THSD7B: variants seen among roughly 807,000 people sequenced by gnomAD.
THSD7B encodes the protein thrombospondin type 1 domain containing 7B.
In THSD7B, 138 loss-of-function variants were observed where a neutral mutation model predicts 213.6. The observed-to-expected ratio is 0.65, with a 90% CI of 0.56 to 0.74. THSD7B has a LOEUF of 0.74. Ranked by LOEUF, THSD7B falls within the 30% of genes least tolerant of loss-of-function variation. The pLI is 0.00. For missense variants in THSD7B, 1,931 were observed against 1,991.5 expected, an observed-to-expected ratio of 0.97 and a Z score of 0.58; for synonymous variants, 742 against 687.0, an observed-to-expected ratio of 1.08 and a Z score of -1.25.
intron 2 of THSD7B, among the ~76,000 whole-genome samples, chr2:136,896,567 T>A (rs1305040235): frequency 6.6e-6 from 1 of 152,108 alleles, no homozygotes; most frequent in Non-Finnish European, 1.5e-5. Context: ...AGTTTTCCAA[T>A]TTAAAAAAAT....
intron 15 of THSD7B, among the ~76,000 whole-genome samples, chr2:137,522,527 A>G (rs1234593365): frequency 1.3e-5 from 2 of 148,426 alleles, no homozygotes; most frequent in Admixed American, 1.3e-4. Flanking sequence ...ATTCAGAGTC[A>G]CTTTTTTTTT....
chr2:136,795,725 C>G (rs1230180293), intron 1 of THSD7B, among the ~76,000 whole-genome samples: 1 of 151,924 alleles, frequency 6.6e-6, no homozygotes, highest in African/African-American at 2.4e-5. Flanking sequence ...TTTACTTACT[C>G]TCACTCCAAC....
chr2:137,235,742 T>C (rs1230467777), intron 9 of THSD7B, among the ~76,000 whole-genome samples: 1 of 152,160 alleles, frequency 6.6e-6, no homozygotes, highest in Admixed American at 6.5e-5. Flanking sequence ...GAGACTAAAA[T>C]ATTATTATTA....
intron 12 of THSD7B, among the ~76,000 whole-genome samples, chr2:137,390,627 G>A (rs935732423): frequency 6.6e-6 from 1 of 152,086 alleles, no homozygotes; most frequent in Non-Finnish European, 1.5e-5. Flanking sequence ...TAGAGGAAAT[G>A]TTTTTAACTT....
At chr2:137,190,261 T>C (rs1468595675) in intron 7 of THSD7B, among the ~76,000 whole-genome samples, 1 of 152,232 alleles carries the variant, frequency 6.6e-6, no homozygotes, top group East Asian at 1.9e-4. Flanking sequence ...ACAATGTATA[T>C]GCCATGTGCT....
intron 2 of THSD7B, among the ~76,000 whole-genome samples, chr2:137,014,026 A>G (rs889937979): frequency 2.0e-5 from 3 of 152,160 alleles, no homozygotes; most frequent in African/African-American, 7.2e-5. Flanking sequence ...TTCTGCTTCC[A>G]TTCCCTTGGG....
rs1007907492 is a variant in THSD7B, at chr2:137,536,491, A to G, written c.3139-26730A>G. Among the ~76,000 whole-genome samples the G allele has an allele frequency of 4.0e-5, 6 of 151,834 alleles. No homozygotes were observed. The East Asian group carries it at 5.9e-4, about 15-fold the overall frequency. ...CCATTAAAGTTGACATAATAGCAGT[A>G]TTTTAATGTAGAAATAGCCAGAAGC... On this transcript the variant is annotated intron_variant, in intron 15 of 27. Coordinates refer to ENST00000409968, the MANE Select transcript of THSD7B (RefSeq NM_001316349.2).
At chr2:137,378,505 G>A (rs553650738) in intron 12 of THSD7B, among the ~76,000 whole-genome samples, 1 of 152,140 alleles carries the variant, frequency 6.6e-6, no homozygotes, top group Non-Finnish European at 1.5e-5. Flanking sequence ...ATTTTGGGTG[G>A]TTTCATCATG....
chr2:137,358,388 T>C (rs1159864602), intron 12 of THSD7B, among the ~76,000 whole-genome samples: 2 of 152,342 alleles, frequency 1.3e-5, no homozygotes, highest in East Asian at 3.9e-4. Context: ...GTCATGATTA[T>C]GGACTGATTT....
At chr2:137,489,914 G>T (rs1688567381) in intron 15 of THSD7B, among the ~76,000 whole-genome samples, 1 of 151,788 alleles carries the variant, frequency 6.6e-6, no homozygotes, top group African/African-American at 2.4e-5. Context: ...ACAATGTTCT[G>T]TTTTTTTTGT....
At chr2:137,236,465 C>T (rs2105059538) in intron 9 of THSD7B, among the ~76,000 whole-genome samples, 1 of 152,154 alleles carries the variant, frequency 6.6e-6, no homozygotes, top group East Asian at 1.9e-4. Context: ...TTGTTGGGAT[C>T]TTCCTGAAGT....
intron 1 of THSD7B, among the ~76,000 whole-genome samples, chr2:136,838,815 A>G (rs934957061): frequency 2.4e-4 from 36 of 152,138 alleles, no homozygotes; most frequent in African/African-American, 7.7e-4. Flanking sequence ...CTGGCACTCA[A>G]TGATAAAATA....
chr2:137,401,104 A>T (rs1686345630), intron 12 of THSD7B, among the ~76,000 whole-genome samples: 2 of 152,198 alleles, frequency 1.3e-5, no homozygotes, highest in South Asian at 4.1e-4. Flanking sequence ...TCTACTTCTG[A>T]TTTAATCCTC....
At chr2:136,959,584 T>A (rs1304546098) in intron 2 of THSD7B, among the ~76,000 whole-genome samples, 1 of 152,208 alleles carries the variant, frequency 6.6e-6, no homozygotes, top group Non-Finnish European at 1.5e-5. Context: ...AAATAAATAA[T>A]CTTGAATTTC....
In THSD7B at chr2:137,412,620, A is replaced by G. The variant is rs915295424; in HGVS notation, c.2959+748A>G. On this transcript the variant is annotated intron_variant, in intron 14 of 27. Transcript: ENST00000409968. ...CTCAAAAAAAAAAAAACAAAAAAAA[A>G]CAAAAAACAGTTTTACTATATAAAG... 4.5e-5 allele frequency among the ~76,000 whole-genome samples: 6 copies of G among 132,986 alleles called. 1 individual carries two copies. The highest frequency in any genetic ancestry group is 1.6e-4 in the African/African-American group (6 of 37,376). 87.2% of individuals were successfully genotyped at this position (132,986 alleles called of 152,430 possible). A position where few individuals can be genotyped will look rare whatever the true frequency, so the allele number is the denominator to read the frequency against.
At chr2:137,617,328 T>C (rs1573745793) in intron 18 of THSD7B, among the ~76,000 whole-genome samples, 1 of 152,218 alleles carries the variant, frequency 6.6e-6, no homozygotes, top group African/African-American at 2.4e-5. Context: ...AAAATTTCTT[T>C]AAAGAGTTTT....
At chr2:136,875,432 G>T (rs192605173) in intron 1 of THSD7B, among the ~76,000 whole-genome samples, 51 of 152,166 alleles carry the variant, frequency 3.4e-4, no homozygotes, top group Admixed American at 5.9e-4. Flanking sequence ...AATAAATAAA[G>T]AAAGAAAGAA....
At chr2:136,832,944 G>A (rs945030417) in intron 1 of THSD7B, among the ~76,000 whole-genome samples, 1 of 152,074 alleles carries the variant, frequency 6.6e-6, no homozygotes, top group Non-Finnish European at 1.5e-5. Context: ...GAGAATATTG[G>A]TAGCTAGACA....
chr2:136,770,365 C>T lies in THSD7B; in HGVS notation c.-36+4678C>T, dbSNP rs935503896. 2.6e-5 allele frequency among the ~76,000 whole-genome samples: 4 copies of T among 152,204 alleles called. 1 individual carries two copies. Among genetic ancestry groups the T allele is most frequent in the South Asian group, 4.1e-4 (2 of 4,822 alleles). On this transcript the variant is annotated intron_variant, in intron 1 of 27. Transcript: ENST00000409968. ...TATTGATTTTTGCCTTTTGTGCTTA[C>T]GTTAGACTTATTCAGGGCAAGTTAG...
Sources: gnomAD v4.1 joint callset for allele counts (sites outside exome capture counted in the v4.1 genomes callset) on GRCh38, gnomAD v4.1.1 for gene constraint, MANE v1.5 for transcripts, NCBI Gene and HGNC (gene_info 2026-07-23, HGNC 2026-07-21) for gene names.